The following SLTM variants were observed in gnomAD, a reference collection of about 807,000 sequenced individuals.
SLTM encodes the protein SAFB-like transcription modulator.
A neutral mutation model predicts 134.6 loss-of-function variants in SLTM; 43 were observed. That is an observed-to-expected ratio of 0.32 (90% CI 0.25 to 0.41). SLTM has a LOEUF of 0.41. Ranked by LOEUF, SLTM falls within the 10% of genes least tolerant of loss-of-function variation. The pLI is 1.00. For synonymous variants in SLTM, 424 were observed against 432.3 expected (o/e 0.98, Z 0.24); for missense variants, 1,055 against 1,288.8 (o/e 0.82, Z 2.78).
At position 58,893,997 on chromosome 15, in the gene SLTM, C is replaced by T; in HGVS notation, c.1482-10G>A. 1 of 1,602,968 alleles carries T rather than the reference C, an allele frequency of 6.2e-7. No homozygotes were observed. Among genetic ancestry groups the T allele is most frequent in the Non-Finnish European group, 8.5e-7 (1 of 1,177,314 alleles). ...GACAGAGGCTTGTGTCCTGACCATA[C>T]CGCCCCAGACAAAAAAACAGAATGA... On this transcript the variant is annotated splice_polypyrimidine_tract_variant and intron_variant, in intron 11 of 20. Coordinates refer to ENST00000380516, the MANE Select transcript of SLTM (RefSeq NM_024755.4).
At chr15:58,894,710 T>TG (rs1227264852) in intron 9 of SLTM, 128 bp from the exon 10 acceptor site, 14 of 927,518 alleles carry the variant, frequency 1.5e-5, no homozygotes, top group African/African-American at 3.4e-5. Flanking sequence ...CTCATGTTTT[T>TG]TTTTTTTTTT....
intron 6 of SLTM, chr15:58,900,394 A>G (rs4545744): frequency 0.95 from 149,453 of 156,512 alleles, 71,711 homozygotes; most frequent in Non-Finnish European, 1. Flanking sequence ...AGTATTTCAG[A>G]GCCCCATCTT....
At chr15:58,912,649 T>G (rs367985507) in intron 4 of SLTM, 39 bp from the exon 5 acceptor site, 1 of 1,535,590 alleles carries the variant, frequency 6.5e-7, no homozygotes, top group African/African-American at 1.4e-5. Context: ...CTTTATAAAA[T>G]ATCGGGGTAA....
intron 14 of SLTM, among the ~76,000 whole-genome samples, chr15:58,891,823 C>T (rs1300692128): frequency 6.6e-6 from 1 of 151,888 alleles, no homozygotes; most frequent in African/African-American, 2.4e-5. Context: ...GTATGTTATA[C>T]ATCAATTTCA....
In SLTM at chr15:58,932,411, A is replaced by G; in HGVS notation, c.195T>C (p.Asn65=). The change falls in exon 2 of 21, where the codon AAT becomes AAC. Residue 65 remains asparagine, a synonymous_variant. Transcript: ENST00000380516. ...AIEEEGGDPD[N]IELTVSTDTP... is the part of the protein sequence containing the mutation. ...TATCAGTTGAAACAGTTAATTCAAT[A>G]TTATCTGGATCGCCTCCTTCCTCTT... 1 of 1,613,482 alleles carries G rather than the reference A, an allele frequency of 6.2e-7. No individual in the cohort carries two copies. Among genetic ancestry groups the G allele is most frequent in the South Asian group, 1.1e-5 (1 of 91,058 alleles).
Position 58,913,702 on chromosome 15 carries a change from A to C in SLTM, c.316-6T>G. On this transcript the variant is annotated splice_polypyrimidine_tract_variant and splice_region_variant and intron_variant, in intron 3 of 20. Coordinates refer to ENST00000380516, the MANE Select transcript of SLTM (RefSeq NM_024755.4). ...TGATTCTCCAATTCACAGTCCTTTT[A>C]ATGGTAAGAAAATTTGGTACAACTA... 1 of 1,612,034 alleles carries C rather than the reference A, an allele frequency of 6.2e-7. No homozygotes were observed.
chr15:58,912,768 T>C lies in SLTM; in HGVS notation c.514-158A>G. On this transcript the variant is annotated intron_variant, in intron 4 of 20. Transcript: ENST00000380516. ...AATGCTTAATATTCAGACTATATTT[T>C]TTATGCCAAAAAAAATTAGCCATGT... is the stretch of plus-strand genomic sequence containing the variant. 6.9e-6 allele frequency: 4 copies of C among 575,810 alleles called. No homozygotes were observed. In the South Asian group the frequency reaches 8.9e-5, roughly 13 times the overall value. 35.7% of individuals were successfully genotyped at this position (575,810 alleles called of 1,614,324 possible).
chr15:58,919,113 G>A (rs866104740), intron 2 of SLTM, among the ~76,000 whole-genome samples: 1 of 152,022 alleles, frequency 6.6e-6, no homozygotes, highest in African/African-American at 2.4e-5. Flanking sequence ...GGGTTTCACC[G>A]TGTTAGCCAG....
At chr15:58,918,281 C>T (rs1374599804) in intron 2 of SLTM, among the ~76,000 whole-genome samples, 3 of 151,912 alleles carry the variant, frequency 2.0e-5, no homozygotes, top group Non-Finnish European at 2.9e-5. Context: ...TTTCCTAAGA[C>T]CAACGAATGA....
intron 14 of SLTM, among the ~76,000 whole-genome samples, chr15:58,892,032 A>T (rs7181329): frequency 0.022 from 3,340 of 152,312 alleles, 121 homozygotes; most frequent in African/African-American, 0.077. Context: ...TACAAGGATT[A>T]CTTCCTTTTA....
chr15:58,924,570 G>A (rs1312459163), intron 2 of SLTM, among the ~76,000 whole-genome samples: 1 of 152,156 alleles, frequency 6.6e-6, no homozygotes, highest in Non-Finnish European at 1.5e-5. Context: ...CATCAAATGG[G>A]ATAAGTCAAG....
intron 2 of SLTM, among the ~76,000 whole-genome samples, chr15:58,931,144 C>T (rs1042522956): frequency 1.4e-4 from 22 of 152,164 alleles, no homozygotes; most frequent in African/African-American, 4.8e-4. Context: ...CTTCTCATGA[C>T]AAGCTTCTTT....
chr15:58,908,002 C>CGTGTGTGCGTGT (rs2035985295), intron 5 of SLTM, among the ~76,000 whole-genome samples: 1 of 139,870 alleles, frequency 7.1e-6, no homozygotes, highest in Non-Finnish European at 1.5e-5. Context: ...AAACATGCTG[C>CGTGTGTGCGTGT]GTGTGTGTGT....
At chr15:58,896,713 T>C (rs2035107625) in intron 9 of SLTM, among the ~76,000 whole-genome samples, 1 of 152,222 alleles carries the variant, frequency 6.6e-6, no homozygotes, top group African/African-American at 2.4e-5. Context: ...AAGGATCATA[T>C]CTGGTTCTCC....
intron 20 of SLTM, among the ~76,000 whole-genome samples, chr15:58,881,928 C>T (rs1471469027): frequency 2.0e-5 from 3 of 151,568 alleles, no homozygotes; most frequent in Non-Finnish European, 2.9e-5. Flanking sequence ...TAGAGCCACA[C>T]GGCCGGGCGC....
In SLTM at chr15:58,879,839, C is replaced by A; in HGVS notation, c.*160G>T. 1 of 882,704 alleles carries A rather than the reference C, an allele frequency of 1.1e-6. No homozygotes were observed. The highest frequency in any genetic ancestry group is 3.2e-5 in the Admixed American group (1 of 30,914). The allele number at this position is 882,704 out of a possible 1,614,324, so 54.7% of individuals were successfully genotyped here. A position where few individuals can be genotyped will look rare whatever the true frequency, so the allele number is the denominator to read the frequency against. On this transcript the variant is annotated 3_prime_UTR_variant, in exon 21 of 21. Transcript: ENST00000380516. Reference sequence around the variant, plus strand: ...AAAAGTTACAACAGAACTATTTAAACATCTTCTCCAAAATTGAGAAAAGCA... The same window carrying A: ...AAAAGTTACAACAGAACTATTTAAAAATCTTCTCCAAAATTGAGAAAAGCA...
chr15:58,921,452 A>AATGACG, intron 2 of SLTM: 1 of 208,586 alleles, frequency 4.8e-6, no homozygotes, highest in Non-Finnish European at 1.0e-5. Context: ...TCACTTGCCC[A>AATGACG]ATGACGATGA....
Position 58,888,590 on chromosome 15 carries a change from A to T in SLTM, c.2205-35T>A, listed in dbSNP as rs540716543. The T allele has an allele frequency of 1.2e-4, 190 of 1,605,706 alleles. 3 individuals are homozygous for T. The South Asian group carries it at 1.7e-3, about 14-fold the overall frequency. ...AAATATTTGCTTATTTACATAAATTAGTTCTACAGTAATCAAACGACATTT... is the reference window on the plus strand; with the variant it reads ...AAATATTTGCTTATTTACATAAATTTGTTCTACAGTAATCAAACGACATTT... On this transcript the variant is annotated intron_variant, in intron 16 of 20. Transcript: ENST00000380516.
Position 58,887,207 on chromosome 15 carries a change from T to C in SLTM, c.2690+19A>G. On this transcript the variant is annotated intron_variant, in intron 18 of 20. Transcript: ENST00000380516. Reference sequence around the variant, plus strand: ...AATGCATGAGACCACTAGGAAAGCATTACATAGTACACAGCTACCTTGTTT... The same window carrying C: ...AATGCATGAGACCACTAGGAAAGCACTACATAGTACACAGCTACCTTGTTT... 23 of 1,612,828 alleles carry C rather than the reference T, an allele frequency of 1.4e-5. No homozygotes were observed. The highest frequency in any genetic ancestry group is 1.8e-5 in the Non-Finnish European group (21 of 1,179,158).
Sources: gnomAD v4.1 joint callset for allele counts (sites outside exome capture counted in the v4.1 genomes callset) on GRCh38, gnomAD v4.1.1 for gene constraint, MANE v1.5 for transcripts, NCBI Gene and HGNC (gene_info 2026-07-23, HGNC 2026-07-21) for gene names.